WBP2NL: variants seen among roughly 807,000 people sequenced by gnomAD.
WBP2NL encodes WBP2 N-terminal like.
A neutral mutation model predicts 23.3 loss-of-function variants in WBP2NL; 27 were observed. The observed-to-expected ratio is 1.16, with a 90% confidence interval of 0.85 to 1.60. WBP2NL has a LOEUF of 1.60. Among genes scored for constraint, WBP2NL ranks in the 40% most tolerant of loss-of-function variants. The pLI, the probability that WBP2NL is intolerant of heterozygous loss-of-function variation, is 0.00. For synonymous variants in WBP2NL, 151 were observed against 145.9 expected, an observed-to-expected ratio of 1.03 and a Z score of -0.25; for missense variants, 370 against 389.5, an observed-to-expected ratio of 0.95 and a Z score of 0.42.
intron 8 of WBP2NL, among the ~76,000 whole-genome samples, chr22:42,042,592 G>T (rs1925436022): frequency 6.6e-6 from 1 of 152,056 alleles, no homozygotes; most frequent in East Asian, 1.9e-4. Context: ...GTGTTCTCTT[G>T]TAGTTTGTGG....
chr22:42,019,175 C>T (rs185599365), intron 1 of WBP2NL, 136 bp from the exon 2 acceptor site: 10 of 671,492 alleles, frequency 1.5e-5, no homozygotes, highest in East Asian at 5.7e-5. Flanking sequence ...GAGGTGAAAT[C>T]GTGCCACTGC....
chr22:42,020,976 A>G (rs1338938300), intron 4 of WBP2NL, among the ~76,000 whole-genome samples: 6 of 121,272 alleles, frequency 4.9e-5, no homozygotes, highest in Admixed American at 1.0e-4. Context: ...CTGGAGTGCA[A>G]TCATGCAATC....
chr22:42,056,629 G>A (rs950125839), intron 8 of WBP2NL, among the ~76,000 whole-genome samples: 1 of 152,032 alleles, frequency 6.6e-6, no homozygotes, highest in Non-Finnish European at 1.5e-5. Flanking sequence ...TTGAAAGATA[G>A]TTTGGCCAAA....
chr22:42,051,925 A>G (rs920375243), intron 8 of WBP2NL, among the ~76,000 whole-genome samples: 12 of 152,256 alleles, frequency 7.9e-5, no homozygotes, highest in Admixed American at 3.9e-4. Context: ...ATAATACATT[A>G]TCCCCATTAT....
chr22:42,035,985 G>C (rs1925166577), downstream of WBP2NL, among the ~76,000 whole-genome samples: 1 of 152,104 alleles, frequency 6.6e-6, no homozygotes. Flanking sequence ...ACAAATGGCA[G>C]GATTTTCTTT....
chr22:42,014,717 T>A (rs1923150357), intron 1 of WBP2NL, among the ~76,000 whole-genome samples: 1 of 152,214 alleles, frequency 6.6e-6, no homozygotes, highest in South Asian at 2.1e-4. Context: ...AATAATTCTC[T>A]CTTCTGCCTG....
chr22:42,007,761 A>G (rs1478318847), intron 1 of WBP2NL, among the ~76,000 whole-genome samples: 1 of 152,152 alleles, frequency 6.6e-6, no homozygotes, highest in East Asian at 1.9e-4. Flanking sequence ...AAAATATTCC[A>G]TTGTATGTAT....
intron 4 of WBP2NL, among the ~76,000 whole-genome samples, chr22:42,020,818 A>C (rs1923824173): frequency 1.5e-5 from 2 of 135,782 alleles, no homozygotes; most frequent in African/African-American, 5.5e-5. Flanking sequence ...AACTCTTTCA[A>C]ACTGTGACTA....
intron 4 of WBP2NL, among the ~76,000 whole-genome samples, chr22:42,021,957 T>G (rs143208305): frequency 1.1e-3 from 162 of 152,062 alleles, no homozygotes; most frequent in African/African-American, 3.8e-3. Context: ...CCACCATGCC[T>G]GGCTAATTTT....
At chr22:42,049,123 G>A (rs1925715448) in intron 8 of WBP2NL, among the ~76,000 whole-genome samples, 2 of 152,180 alleles carry the variant, frequency 1.3e-5, no homozygotes, top group Non-Finnish European at 2.9e-5. Context: ...TAAAGTTATA[G>A]TAATCAAGAC....
intron 1 of WBP2NL, among the ~76,000 whole-genome samples, chr22:42,004,318 G>A (rs1330856546): frequency 6.6e-6 from 1 of 152,134 alleles, no homozygotes; most frequent in African/African-American, 2.4e-5. Flanking sequence ...CAAGGGCTGG[G>A]TGCAGTGGCT....
At chr22:42,016,265 A>C (rs1053689306) in intron 1 of WBP2NL, among the ~76,000 whole-genome samples, 1 of 152,012 alleles carries the variant, frequency 6.6e-6, no homozygotes, top group Non-Finnish European at 1.5e-5. Context: ...ACAGGTATGA[A>C]CCACCGGACC....
intron 1 of WBP2NL, among the ~76,000 whole-genome samples, chr22:42,013,197 A>AC (rs1922987259): frequency 6.6e-6 from 1 of 151,600 alleles, no homozygotes; most frequent in African/African-American, 2.4e-5. Context: ...ACATGGAGAA[A>AC]CCCCATCTCT....
intron 1 of WBP2NL, chr22:42,002,090 GTC>G (rs1330502086): frequency 1.2e-5 from 5 of 421,528 alleles, no homozygotes; most frequent in East Asian, 1.0e-4. Flanking sequence ...GGCTATGGGT[GTC>G]TCTCTACTTC....
chr22:42,024,301 T>G (rs1924270574), intron 5 of WBP2NL, among the ~76,000 whole-genome samples: 1 of 152,256 alleles, frequency 6.6e-6, no homozygotes, highest in African/African-American at 2.4e-5. Flanking sequence ...GCTATGAGCA[T>G]TTGTATATAA....
intron 8 of WBP2NL, among the ~76,000 whole-genome samples, chr22:42,052,511 C>G (rs1301953670): frequency 6.6e-6 from 1 of 152,158 alleles, no homozygotes; most frequent in Non-Finnish European, 1.5e-5. Context: ...AACTCCTGAC[C>G]TCAGGCGATC....
intron 1 of WBP2NL, among the ~76,000 whole-genome samples, chr22:42,008,146 C>CCTTTG (rs1922458647): frequency 1.5e-5 from 2 of 135,876 alleles, no homozygotes; most frequent in African/African-American, 5.5e-5. Context: ...CCTTTCCTTT[C>CCTTTG]CTTTCCTTTC....
At chr22:42,049,909 A>G (rs917872754) in intron 8 of WBP2NL, among the ~76,000 whole-genome samples, 60 of 147,932 alleles carry the variant, frequency 4.1e-4, no homozygotes, top group African/African-American at 1.4e-3. Context: ...CCTGAGAGGC[A>G]GAGGTTGCAG....
intron 8 of WBP2NL, among the ~76,000 whole-genome samples, chr22:42,053,903 T>C (rs1050586349): frequency 5.3e-5 from 8 of 152,122 alleles, no homozygotes; most frequent in Non-Finnish European, 1.0e-4. Context: ...CTAGTTGGAG[T>C]ATATGATTTA....
Sources: gnomAD v4.1 joint callset for allele counts (sites outside exome capture counted in the v4.1 genomes callset) on GRCh38, gnomAD v4.1.1 for gene constraint, MANE v1.5 for transcripts, NCBI Gene and HGNC (gene_info 2026-07-23, HGNC 2026-07-21) for gene names.